The following MYZAP variants were observed in gnomAD, a reference collection of about 807,000 sequenced individuals.
The protein encoded by MYZAP is GRINL1A complex locus upstream.
In MYZAP, 66 loss-of-function variants were observed where a neutral mutation model predicts 69.4. The observed-to-expected ratio is 0.95, with a 90% CI of 0.78 to 1.17. MYZAP has a LOEUF of 1.17. Ranked by LOEUF, MYZAP falls within the 50% of genes most tolerant of loss-of-function variation. The pLI is 0.00. For missense variants in MYZAP, 611 were observed against 556.2 expected (o/e 1.10, Z -0.99); for synonymous variants, 256 against 205.9 (o/e 1.24, Z -2.09).
At chr15:57,592,159 C>G in intron 1 of MYZAP, 50 bp downstream of exon 1, 1 of 1,274,336 alleles carries the variant, frequency 7.8e-7, no homozygotes, top group South Asian at 2.5e-5. Context: ...CCATCCCGGC[C>G]GCCCCCTCTA....
At chr15:57,658,703 G>T (rs922748788) in intron 10 of MYZAP, among the ~76,000 whole-genome samples, 15 of 152,230 alleles carry the variant, frequency 9.9e-5, no homozygotes, top group Admixed American at 3.3e-4. Flanking sequence ...TCACTTCTGG[G>T]GTGTATAATG....
chr15:57,638,523 A>G (rs1193817423), intron 9 of MYZAP, among the ~76,000 whole-genome samples: 1 of 152,144 alleles, frequency 6.6e-6, no homozygotes, highest in East Asian at 1.9e-4. Flanking sequence ...AGAGTTTTCA[A>G]AGTTACAGGA....
chr15:57,678,835 C>A (rs1182168573), intron 12 of MYZAP, among the ~76,000 whole-genome samples: 1 of 151,934 alleles, frequency 6.6e-6, no homozygotes, highest in East Asian at 1.9e-4. Flanking sequence ...CTGCTAATAG[C>A]ATTTTTAGAG....
At chr15:57,644,592 G>C (rs1231218526) in intron 10 of MYZAP, among the ~76,000 whole-genome samples, 2 of 151,944 alleles carry the variant, frequency 1.3e-5, no homozygotes. Context: ...CTATAGGCAC[G>C]TGCACCCATG....
intron 1 of MYZAP, among the ~76,000 whole-genome samples, chr15:57,596,920 G>A (rs927214916): frequency 1.3e-5 from 2 of 152,134 alleles, no homozygotes; most frequent in East Asian, 1.9e-4. Flanking sequence ...CATTACTTGC[G>A]TCACCTGTGA....
chr15:57,640,180 G>T (rs896111689), intron 10 of MYZAP, among the ~76,000 whole-genome samples: 1 of 152,128 alleles, frequency 6.6e-6, no homozygotes, highest in Non-Finnish European at 1.5e-5. Context: ...CGGGTAAGTT[G>T]AACATTTCTA....
At chr15:57,662,881 C>G (rs1000990279) in intron 11 of MYZAP, among the ~76,000 whole-genome samples, 24 of 152,284 alleles carry the variant, frequency 1.6e-4, no homozygotes, top group African/African-American at 5.8e-4. Flanking sequence ...ACCAGAAGTC[C>G]CTCATGGCCC....
intron 1 of MYZAP, among the ~76,000 whole-genome samples, chr15:57,598,288 T>G (rs2034191636): frequency 6.6e-6 from 1 of 152,160 alleles, no homozygotes; most frequent in Non-Finnish European, 1.5e-5. Flanking sequence ...TTTGTTGTGC[T>G]TTTTCTTGTG....
chr15:57,651,007 C>T (rs2037697713), intron 10 of MYZAP, among the ~76,000 whole-genome samples: 1 of 152,172 alleles, frequency 6.6e-6, no homozygotes, highest in Admixed American at 6.5e-5. Context: ...CTCATAATTC[C>T]TCAATGGCTC....
intron 8 of MYZAP, among the ~76,000 whole-genome samples, chr15:57,634,430 C>G (rs2036691743): frequency 6.6e-6 from 1 of 152,146 alleles, no homozygotes; most frequent in African/African-American, 2.4e-5. Flanking sequence ...GGAATGGCTC[C>G]CTGGCTGCAT....
At chr15:57,636,748 T>C (rs2036840652) in intron 8 of MYZAP, among the ~76,000 whole-genome samples, 1 of 152,204 alleles carries the variant, frequency 6.6e-6, no homozygotes, top group Non-Finnish European at 1.5e-5. Flanking sequence ...TCCAGACTCT[T>C]TTTTGGGCAA....
At chr15:57,675,184 A>T in intron 12 of MYZAP, 116 bp downstream of exon 12, 1 of 968,348 alleles carries the variant, frequency 1.0e-6, no homozygotes, top group Non-Finnish European at 1.5e-6. Flanking sequence ...ATATTTCTGC[A>T]AAGCCGAGTG....
At chr15:57,677,699 T>G (rs538849981) in intron 12 of MYZAP, among the ~76,000 whole-genome samples, 8 of 152,194 alleles carry the variant, frequency 5.3e-5, no homozygotes, top group Non-Finnish European at 1.2e-4. Flanking sequence ...TTGTCCCTAT[T>G]CTTCTCCTAC....
chr15:57,618,211 C>T (rs767006038), intron 3 of MYZAP, 23 bp downstream of exon 3: 14 of 1,609,124 alleles, frequency 8.7e-6, no homozygotes, highest in South Asian at 1.1e-5. Context: ...AGAGTTTTTG[C>T]CCCCCACCTG....
At chr15:57,678,521 A>T (rs2039258133) in intron 12 of MYZAP, among the ~76,000 whole-genome samples, 1 of 152,168 alleles carries the variant, frequency 6.6e-6, no homozygotes, top group South Asian at 2.1e-4. Flanking sequence ...AAATCTGAGT[A>T]TGCTAAGATG....
chr15:57,625,927 C>A, intron 5 of MYZAP, 35 bp downstream of exon 5: 1 of 1,588,168 alleles, frequency 6.3e-7, no homozygotes, highest in South Asian at 1.1e-5. Flanking sequence ...CAGGGCAACC[C>A]AGCTTAATCA....
At chr15:57,638,475 G>C (rs1453927021) in intron 9 of MYZAP, among the ~76,000 whole-genome samples, 2 of 152,080 alleles carry the variant, frequency 1.3e-5, no homozygotes, top group African/African-American at 4.8e-5. Context: ...AGTACGTGCT[G>C]AAAAAATACC....
In MYZAP at chr15:57,625,843, G is replaced by T. The variant is rs144926370; in HGVS notation, c.476G>T (p.Arg159Leu). The T allele has an allele frequency of 4.3e-6, 7 of 1,614,136 alleles. No individual in the cohort carries two copies. The South Asian group carries it at 7.7e-5, about 18-fold the overall frequency. The change falls in exon 5 of 13, where the codon CGT (arginine) becomes CTT (leucine). Residue 159 changes from arginine (R) to leucine (L), a missense_variant. By Grantham distance (102) the Arg-to-Leu change is moderately radical. Transcript: ENST00000267853. ...CAAACCCAGTCGTCTGCCCTGGATC[G>T]TTTTAATGCCATGAACTCAGCCTTG... ...HIQTQSSALD[R>L]FNAMNSALAS... is the part of the protein sequence containing the mutation.
rs1419194644 is a variant in MYZAP, at chr15:57,685,248, C to G, written c.*750C>G. On this transcript the variant is annotated 3_prime_UTR_variant, in exon 13 of 13. Transcript: ENST00000267853. ...TGGAAATTTAATAATTTAGTGTTCT[C>G]AGTATCAATTGGTGTTTTTGTTAAA... 1 of 152,138 alleles carries G rather than the reference C, an allele frequency of 6.6e-6. No individual in the cohort carries two copies. The highest frequency in any genetic ancestry group is 2.4e-5 in the African/African-American group (1 of 41,438). 9.4% of individuals were successfully genotyped at this position (152,138 alleles called of 1,614,324 possible).
Sources: allele counts gnomAD v4.1 joint callset (sites outside exome capture counted in the v4.1 genomes callset), GRCh38; gene constraint gnomAD v4.1.1; transcripts MANE v1.5; gene names NCBI Gene and HGNC (gene_info 2026-07-23, HGNC 2026-07-21).